RSU1: variants seen among roughly 807,000 people sequenced by gnomAD.
RSU1 encodes the protein Ras suppressor protein 1, also known as rsu-1.
A neutral mutation model predicts 31.1 loss-of-function variants in RSU1; 26 were observed. That is an observed-to-expected ratio of 0.84 (90% CI 0.61 to 1.16). RSU1 has a LOEUF of 1.16. RSU1 is among the 50% of genes most tolerant of loss of function. RSU1 has a pLI of 0.00. For missense variants in RSU1, 320 were observed against 339.1 expected (o/e 0.94, Z 0.44); for synonymous variants, 164 against 136.3 (o/e 1.20, Z -1.41).
intron 7 of RSU1, among the ~76,000 whole-genome samples, chr10:16,745,204 C>G (rs965370832): frequency 6.6e-6 from 1 of 152,042 alleles, no homozygotes; most frequent in Non-Finnish European, 1.5e-5. Context: ...TGTGTATGTG[C>G]GTGTGTGTGT....
chr10:16,769,411 A>G (rs182459985), intron 3 of RSU1, among the ~76,000 whole-genome samples: 1 of 152,272 alleles, frequency 6.6e-6, no homozygotes, highest in East Asian at 1.9e-4. Context: ...AGAGCTTGAC[A>G]GCCACATGTG....
intron 8 of RSU1, among the ~76,000 whole-genome samples, chr10:16,596,119 G>A (rs1833608304): frequency 6.6e-6 from 1 of 152,142 alleles, no homozygotes; most frequent in African/African-American, 2.4e-5. Context: ...GGAGACCACT[G>A]GTTTAGATAG....
intron 3 of RSU1, among the ~76,000 whole-genome samples, chr10:16,776,950 G>T (rs1837545752): frequency 6.7e-6 from 1 of 150,226 alleles, no homozygotes; most frequent in African/African-American, 2.5e-5. Flanking sequence ...ATAGGGTCTT[G>T]CCCTGTCACC....
chr10:16,783,271 T>C (rs1184509934), intron 2 of RSU1, among the ~76,000 whole-genome samples: 4 of 151,938 alleles, frequency 2.6e-5, no homozygotes, highest in African/African-American at 7.3e-5. Flanking sequence ...CTTAAACGGA[T>C]AAGATAAAAA....
chr10:16,596,863 C>A (rs1344439079), intron 8 of RSU1, among the ~76,000 whole-genome samples: 7 of 152,148 alleles, frequency 4.6e-5, no homozygotes, highest in African/African-American at 1.2e-4. Context: ...GCTGGAATTA[C>A]AAGTGTGTAC....
chr10:16,628,260 T>C (rs1191012998), intron 8 of RSU1, among the ~76,000 whole-genome samples: 2 of 152,246 alleles, frequency 1.3e-5, no homozygotes, highest in East Asian at 1.9e-4. Context: ...TTGCAACACT[T>C]TGATTTGCTT....
chr10:16,661,689 G>T (rs926848771), intron 8 of RSU1, among the ~76,000 whole-genome samples: 1 of 152,130 alleles, frequency 6.6e-6, no homozygotes, highest in Non-Finnish European at 1.5e-5. Context: ...TTTCTCTGAG[G>T]GGGTAGCCCC....
At chr10:16,619,302 C>T (rs1348663474) in intron 8 of RSU1, among the ~76,000 whole-genome samples, 1 of 152,230 alleles carries the variant, frequency 6.6e-6, no homozygotes, top group African/African-American at 2.4e-5. Context: ...GTTTTCACCT[C>T]ACAGTCTTCT....
chr10:16,672,906 T>C (rs1835138706), intron 8 of RSU1, among the ~76,000 whole-genome samples: 1 of 152,206 alleles, frequency 6.6e-6, no homozygotes, highest in Admixed American at 6.5e-5. Flanking sequence ...AATAAAGATG[T>C]TAAAAGAAAA....
intron 2 of RSU1, among the ~76,000 whole-genome samples, chr10:16,807,388 A>C (rs1401077524): frequency 2.6e-5 from 4 of 152,218 alleles, no homozygotes; most frequent in African/African-American, 9.6e-5. Flanking sequence ...CTTCAGGTTT[A>C]TTCTATTTGA....
At chr10:16,799,644 C>G (rs1244891209) in intron 2 of RSU1, among the ~76,000 whole-genome samples, 2 of 152,058 alleles carry the variant, frequency 1.3e-5, no homozygotes, top group African/African-American at 4.8e-5. Flanking sequence ...AAAAATCCCT[C>G]TGTGCTTCAT....
At chr10:16,727,030 C>T (rs1462920010) in intron 7 of RSU1, 1 of 456,110 alleles carries the variant, frequency 2.2e-6, no homozygotes, top group Non-Finnish European at 4.4e-6. Flanking sequence ...TAACAACTTA[C>T]CTGAAGTTAA....
intron 8 of RSU1, among the ~76,000 whole-genome samples, chr10:16,597,108 C>G (rs1177019929): frequency 1.3e-5 from 2 of 152,088 alleles, no homozygotes; most frequent in Admixed American, 6.6e-5. Context: ...AGGAAAGAGT[C>G]TTGGCAATGA....
chr10:16,606,116 C>T (rs543204985), intron 8 of RSU1, among the ~76,000 whole-genome samples: 2 of 152,140 alleles, frequency 1.3e-5, no homozygotes, highest in South Asian at 4.1e-4. Flanking sequence ...CTTCGTGAGG[C>T]CTTCTGGGAG....
chr10:16,737,229 G>T (rs1006888485), intron 7 of RSU1, among the ~76,000 whole-genome samples: 37 of 151,562 alleles, frequency 2.4e-4, no homozygotes, highest in African/African-American at 8.2e-4. Flanking sequence ...TTAAAAAATG[G>T]CTGAAAATTT....
At chr10:16,753,879 T>TC (rs1251446657) in intron 5 of RSU1, among the ~76,000 whole-genome samples, 1 of 152,104 alleles carries the variant, frequency 6.6e-6, no homozygotes, top group Non-Finnish European at 1.5e-5. Context: ...TACCTCAGCC[T>TC]CCCAAGTAGC....
At chr10:16,642,977 T>G (rs1834471515) in intron 8 of RSU1, among the ~76,000 whole-genome samples, 1 of 152,224 alleles carries the variant, frequency 6.6e-6, no homozygotes, top group African/African-American at 2.4e-5. Flanking sequence ...TGTTAACAAG[T>G]CCTTTTTGAT....
chr10:16,727,084 A>C (rs774481270), intron 7 of RSU1: 2 of 456,580 alleles, frequency 4.4e-6, no homozygotes, highest in Non-Finnish European at 8.8e-6. Context: ...CATTCCTCAC[A>C]ACACAGGCTG....
At chr10:16,653,409 TA>T (rs1834720946) in intron 8 of RSU1, among the ~76,000 whole-genome samples, 1 of 152,040 alleles carries the variant, frequency 6.6e-6, no homozygotes, top group East Asian at 1.9e-4. Flanking sequence ...GTGCAGAGGG[TA>T]AAAATAAAAA....
Sources: gnomAD v4.1 joint callset for allele counts (sites outside exome capture counted in the v4.1 genomes callset) on GRCh38, gnomAD v4.1.1 for gene constraint, MANE v1.5 for transcripts, NCBI Gene and HGNC (gene_info 2026-07-23, HGNC 2026-07-21) for gene names.